The following PCDHGA7 variants were observed in gnomAD, a reference collection of about 807,000 sequenced individuals.
The protein encoded by PCDHGA7 is protocadherin gamma-A7.
In PCDHGA7, 44 loss-of-function variants were observed where a neutral mutation model predicts 58.3. The observed-to-expected ratio is 0.75, with a 90% CI of 0.59 to 0.97. The LOEUF (loss-of-function observed/expected upper bound fraction) is 0.97, where lower values mean the gene tolerates loss of function less well. PCDHGA7 is among the 50% of genes least tolerant of loss of function. The probability of loss-of-function intolerance (pLI) is 0.00; values close to 1 mark genes in which losing one functional copy is unlikely to be tolerated. For synonymous variants in PCDHGA7, 516 were observed against 504.2 expected (o/e 1.02, Z -0.31); for missense variants, 1,266 against 1,188.7 (o/e 1.06, Z -0.96).
At chr5:141,409,081 A>G (rs1220843821) in intron 1 of PCDHGA7, 3 of 1,613,820 alleles carry the variant, frequency 1.9e-6, no homozygotes, top group Non-Finnish European at 2.5e-6. Context: ...ATATGTTCTC[A>G]TTGGATGAGA....
intron 1 of PCDHGA7, among the ~76,000 whole-genome samples, chr5:141,464,504 T>A (rs1264652523): frequency 6.6e-6 from 1 of 152,046 alleles, no homozygotes; most frequent in Non-Finnish European, 1.5e-5. Context: ...GATTGCTGCA[T>A]CATAAGGTAA....
At chr5:141,499,013 GA>G (rs2099788463) in intron 2 of PCDHGA7, among the ~76,000 whole-genome samples, 1 of 144,746 alleles carries the variant, frequency 6.9e-6, no homozygotes, top group Non-Finnish European at 1.5e-5. Context: ...AGGAAGGAAG[GA>G]AGGAAGGAAG....
At chr5:141,399,798 G>C in intron 1 of PCDHGA7, 1 of 1,613,236 alleles carries the variant, frequency 6.2e-7, no homozygotes, top group Non-Finnish European at 8.5e-7. Flanking sequence ...ACGCACCGCG[G>C]GTGCTGTACC....
chr5:141,432,173 G>C lies in PCDHGA7; in HGVS notation c.2424+46850G>C, dbSNP rs771177256. On this transcript the variant is annotated intron_variant, in intron 1 of 3. Transcript: ENST00000518325. This position sits in a 1 kb window ranked among gnomAD's most constrained non-coding sequence, Gnocchi z 6.0. ...GAACAATCCCAGAGGAGTTTCCCTC[G>C]TCTCTGTGACCGCCCACGACCCCGA... The C allele has an allele frequency of 3.1e-6, 5 of 1,614,054 alleles. No homozygotes were observed. Among genetic ancestry groups the C allele is most frequent in the South Asian group, 1.1e-5 (1 of 91,054 alleles).
At chr5:141,446,231 C>T (rs1412899811) in intron 1 of PCDHGA7, among the ~76,000 whole-genome samples, 2 of 152,176 alleles carry the variant, frequency 1.3e-5, no homozygotes, top group African/African-American at 2.4e-5. Flanking sequence ...TGTTGCCTGG[C>T]AAGTGGTAGA....
intron 1 of PCDHGA7, among the ~76,000 whole-genome samples, chr5:141,461,054 T>C (rs984461416): frequency 6.6e-6 from 1 of 151,758 alleles, no homozygotes; most frequent in African/African-American, 2.4e-5. Context: ...GGGACTTAGG[T>C]TGGTTTCACA....
At chr5:141,423,163 G>A (rs758720418) in intron 1 of PCDHGA7, 2 of 1,613,480 alleles carry the variant, frequency 1.2e-6, no homozygotes, top group South Asian at 2.2e-5. Context: ...CCTCGTGGTG[G>A]CCGTCCAGGA....
At position 141,403,415 on chromosome 5, in the gene PCDHGA7, C is replaced by T. The variant is rs770058522; in HGVS notation, c.2424+18092C>T. 6.8e-6 allele frequency: 11 copies of T among 1,614,046 alleles called. No individual in the cohort carries two copies. The South Asian group carries it at 1.2e-4, about 18-fold the overall frequency. ...GGTTCCTGGAGCACGTTATCCACTT[C>T]CAGAAGCTATTGATCCGGATGTTGG... On this transcript the variant is annotated intron_variant, in intron 1 of 3. Coordinates refer to ENST00000518325, the MANE Select transcript of PCDHGA7 (RefSeq NM_018920.4).
rs1368451336 is a variant in PCDHGA7 at position 141,505,377 on chromosome 5, C to T, written c.2484-16C>T. ...CGGCCTGGGAGTCTGTGCTCACCAT[C>T]CTACTCTCTCCCCAGCTCCCAAAAT... On this transcript the variant is annotated splice_polypyrimidine_tract_variant and intron_variant, in intron 2 of 3. Transcript: ENST00000518325. The T allele has an allele frequency of 6.2e-7, 1 of 1,614,036 alleles. No individual in the cohort carries two copies. Among genetic ancestry groups the T allele is most frequent in the Non-Finnish European group, 8.5e-7 (1 of 1,179,954 alleles).
intron 1 of PCDHGA7, chr5:141,419,616 A>G (rs1291494618): frequency 6.2e-7 from 1 of 1,612,086 alleles, no homozygotes; most frequent in African/African-American, 1.3e-5. Flanking sequence ...CAGCCAGGCT[A>G]CCTGGTGACC....
At chr5:141,433,406 T>C (rs2097604777) in intron 1 of PCDHGA7, among the ~76,000 whole-genome samples, 1 of 149,982 alleles carries the variant, frequency 6.7e-6, no homozygotes, top group Non-Finnish European at 1.5e-5. Flanking sequence ...TATCTATCTA[T>C]TACTTTCTTG....
rs764733462 is a variant in PCDHGA7, at chr5:141,383,391, G to A, written c.492G>A (p.Thr164=). 4.3e-6 allele frequency: 7 copies of A among 1,613,978 alleles called. No individual in the cohort carries two copies. ...AGGCTGGGGATCCAGATGTGGGCAC[G>A]AACTCCCTCCAGAGTTACCAGCTCA... ...LSEAGDPDVG[T]NSLQSYQLSP... is the part of the protein sequence containing the mutation. The change falls in exon 1 of 4, where the codon ACG becomes ACA. Residue 164 remains threonine, a synonymous_variant. Coordinates refer to ENST00000518325, the MANE Select transcript of PCDHGA7 (RefSeq NM_018920.4).
chr5:141,388,447 G>C (rs775979306), intron 1 of PCDHGA7: 2 of 1,613,802 alleles, frequency 1.2e-6, no homozygotes, highest in Non-Finnish European at 1.7e-6. Flanking sequence ...AAATCAGATG[G>C]CAGTAAATAC....
At chr5:141,441,680 C>T in intron 1 of PCDHGA7, 1 of 295,840 alleles carries the variant, frequency 3.4e-6, no homozygotes, top group South Asian at 2.8e-5. Context: ...GCGCCTTCGA[C>T]CAAGAGCAGC....
At chr5:141,389,573 C>T (rs778800357) in intron 1 of PCDHGA7, 2 of 1,613,242 alleles carry the variant, frequency 1.2e-6, no homozygotes, top group African/African-American at 1.3e-5. Flanking sequence ...TGCTGTACCC[C>T]GCGCTGGGTC....
chr5:141,412,357 T>A (rs756056496), intron 1 of PCDHGA7: 17 of 152,366 alleles, frequency 1.1e-4, no homozygotes, highest in Middle Eastern at 3.4e-3. Context: ...TAGTTTGTGA[T>A]TACCTGCTTA....
At chr5:141,398,041 G>A in intron 1 of PCDHGA7, 3 of 1,492,894 alleles carry the variant, frequency 2.0e-6, no homozygotes, top group Non-Finnish European at 2.7e-6. Context: ...ACTAAAGCCC[G>A]TTCGGAGATC....
In PCDHGA7 at chr5:141,385,016, C is replaced by G. The variant is rs536780147; in HGVS notation, c.2117C>G (p.Ala706Gly). 1.9e-6 allele frequency: 3 copies of G among 1,614,186 alleles called. No individual in the cohort carries two copies. In the South Asian group the frequency reaches 3.3e-5, roughly 18 times the overall value. The change falls in exon 1 of 4, where the codon GCC (alanine) becomes GGC (glycine). Residue 706 changes from alanine to glycine, a missense_variant. Ala to Gly is a moderately conservative substitution (Grantham distance 60). Transcript: ENST00000518325. ...GCCACAGTCTCCTGCGTCTTCCTAG[C>G]CTTCGTCCTCGTACTGCTGGCGCTC... ...AVATVSCVFL[A>G]FVLVLLALRL...
Position 141,508,665 on chromosome 5 carries a change from C to T in PCDHGA7, c.2573-2282C>T, listed in dbSNP as rs181641281. ...CGTCAGGCCCTTCCTGTCATTCTGT[C>T]TCTGCCTCCCTTCTCCCTGCTTCTC... On this transcript the variant is annotated intron_variant, in intron 3 of 3. Coordinates refer to ENST00000518325, the MANE Select transcript of PCDHGA7 (RefSeq NM_018920.4). Among the ~76,000 whole-genome samples the T allele has an allele frequency of 3.7e-3, 564 of 152,254 alleles. 5 individuals carry two copies. Among genetic ancestry groups the T allele is most frequent in the Admixed American group, 0.011 (164 of 15,296 alleles).
Sources: gnomAD v4.1 joint callset for allele counts (sites outside exome capture counted in the v4.1 genomes callset) on GRCh38, gnomAD v4.1.1 for gene constraint, Gnocchi (gnomAD v3.1) non-coding constraint, MANE v1.5 for transcripts, NCBI Gene and HGNC (gene_info 2026-07-23, HGNC 2026-07-21) for gene names.